Variants in GALNT17 observed in about 807,000 individuals in gnomAD.
GALNT17 encodes the protein UDP-GalNAc:polypeptide N-acetylgalactosaminyltransferase-like 3.
GALNT17 carries 29 observed loss-of-function variants against 63.7 expected under a neutral mutation model. The ratio of observed to expected loss-of-function variants is 0.46; its 90% CI spans 0.34 to 0.62. The LOEUF is 0.62. GALNT17 is among the 20% of genes least tolerant of loss of function. GALNT17 has a pLI of 0.01. For missense variants in GALNT17, 603 were observed against 799.6 expected (o/e 0.75, Z 2.97); for synonymous variants, 305 against 318.3 (o/e 0.96, Z 0.45).
chr7:71,401,221 C>T (rs926106336), intron 3 of GALNT17, among the ~76,000 whole-genome samples: 3 of 151,650 alleles, frequency 2.0e-5, no homozygotes, highest in Admixed American at 6.6e-5. Flanking sequence ...CTCAGCCTCC[C>T]GAGTAGCTGC....
At chr7:71,526,629 C>T (rs1036077240) in intron 5 of GALNT17, among the ~76,000 whole-genome samples, 1 of 152,152 alleles carries the variant, frequency 6.6e-6, no homozygotes, top group African/African-American at 2.4e-5. Context: ...AAGCAATTCT[C>T]CTGTCTTAGC....
intron 1 of GALNT17, among the ~76,000 whole-genome samples, chr7:71,309,759 G>A (rs891542258): frequency 6.6e-6 from 1 of 152,132 alleles, no homozygotes; most frequent in Non-Finnish European, 1.5e-5. Context: ...AATACAAACT[G>A]CATATGCTGT....
rs1791824492 is a variant in GALNT17, at chr7:71,713,414, A to T, written c.*1268A>T. On this transcript the variant is annotated 3_prime_UTR_variant, in exon 11 of 11. Coordinates refer to ENST00000333538, the MANE Select transcript of GALNT17 (RefSeq NM_022479.3). Reference sequence around the variant, plus strand: ...GGTGCCCCCGATGGGAGGCTGTCCCATCTCCCAGTCCCCATCTCTTTTTCC... The same window carrying T: ...GGTGCCCCCGATGGGAGGCTGTCCCTTCTCCCAGTCCCCATCTCTTTTTCC... 6.5e-6 allele frequency: 1 copy of T among 152,722 alleles called. No individual in the cohort carries two copies. The highest frequency in any genetic ancestry group is 1.9e-4 in the East Asian group (1 of 5,168). 9.5% of individuals were successfully genotyped at this position (152,722 alleles called of 1,614,324 possible).
rs577134272 is a variant in GALNT17 at position 71,379,672 on chromosome 7, T to C, written c.423-8563T>C. On this transcript the variant is annotated intron_variant, in intron 2 of 10. Coordinates refer to ENST00000333538, the MANE Select transcript of GALNT17 (RefSeq NM_022479.3). ...GAATTTGACTCCTGAAGAGACAGGG[T>C]GGTGGCCTTCAGCAAAGACAGGGTG... is the stretch of plus-strand genomic sequence containing the variant. Among the ~76,000 whole-genome samples, 3 of 152,026 alleles carry C rather than the reference T, an allele frequency of 2.0e-5. No individual in the cohort carries two copies. In the South Asian group the frequency reaches 6.3e-4, roughly 32 times the overall value.
intron 8 of GALNT17, among the ~76,000 whole-genome samples, chr7:71,675,505 C>A (rs977676895): frequency 9.9e-5 from 15 of 152,182 alleles, no homozygotes; most frequent in African/African-American, 3.6e-4. Flanking sequence ...CACCTATAAT[C>A]CCAGCAGTTT....
intron 2 of GALNT17, among the ~76,000 whole-genome samples, chr7:71,358,831 T>A (rs751293361): frequency 1.5e-4 from 23 of 152,118 alleles, no homozygotes; most frequent in Non-Finnish European, 2.9e-4. Flanking sequence ...TGGAGTGCAG[T>A]GGCACAATCT....
chr7:71,550,050 A>G (rs560664770), intron 5 of GALNT17, among the ~76,000 whole-genome samples: 1 of 151,954 alleles, frequency 6.6e-6, no homozygotes, highest in South Asian at 2.1e-4. Context: ...AGCTCAGATG[A>G]GTCCTGCCCC....
intron 1 of GALNT17, among the ~76,000 whole-genome samples, chr7:71,183,630 A>G (rs913476262): frequency 4.6e-5 from 7 of 152,080 alleles, no homozygotes; most frequent in African/African-American, 1.7e-4. Flanking sequence ...ACCAACACAC[A>G]TTGCGCCTGT....
At chr7:71,596,780 G>A (rs1789892795) in intron 6 of GALNT17, among the ~76,000 whole-genome samples, 1 of 152,130 alleles carries the variant, frequency 6.6e-6, no homozygotes, top group Non-Finnish European at 1.5e-5. Context: ...CCACTTGTGG[G>A]TGGTGATCAG....
intron 5 of GALNT17, among the ~76,000 whole-genome samples, chr7:71,461,512 C>A (rs1156354080): frequency 6.6e-6 from 1 of 152,188 alleles, no homozygotes; most frequent in Non-Finnish European, 1.5e-5. Context: ...AGCACTCTTT[C>A]ATCCAAAAGA....
chr7:71,477,786 A>G (rs1787749457), intron 5 of GALNT17, among the ~76,000 whole-genome samples: 1 of 152,186 alleles, frequency 6.6e-6, no homozygotes, highest in Admixed American at 6.5e-5. Flanking sequence ...AGTACCGGGA[A>G]TCCTGGCTGC....
chr7:71,277,086 A>G (rs543742849), intron 1 of GALNT17, among the ~76,000 whole-genome samples: 1 of 152,300 alleles, frequency 6.6e-6, no homozygotes, highest in South Asian at 2.1e-4. Context: ...CAAGGAAACA[A>G]CCTAAGTGTG....
At chr7:71,226,136 A>G (rs1280984820) in intron 1 of GALNT17, among the ~76,000 whole-genome samples, 1 of 152,224 alleles carries the variant, frequency 6.6e-6, no homozygotes, top group Non-Finnish European at 1.5e-5. Flanking sequence ...TGTTGAGTAA[A>G]TAAACTAAAA....
chr7:71,434,673 T>G (rs532024121), intron 5 of GALNT17, among the ~76,000 whole-genome samples: 28 of 152,308 alleles, frequency 1.8e-4, no homozygotes, highest in African/African-American at 6.3e-4. Context: ...GTTGTGTAAA[T>G]GAGCTTTTAA....
At chr7:71,663,871 A>G (rs548546560) in intron 6 of GALNT17, among the ~76,000 whole-genome samples, 222 of 152,294 alleles carry the variant, frequency 1.5e-3, no homozygotes, top group African/African-American at 5.0e-3. Context: ...GAATGAGCCT[A>G]CCTGAGTCAG....
chr7:71,295,751 A>G (rs1423595939), intron 1 of GALNT17, among the ~76,000 whole-genome samples: 1 of 151,984 alleles, frequency 6.6e-6, no homozygotes, highest in East Asian at 1.9e-4. Context: ...GGTGCACACC[A>G]TCATGCCTGG....
chr7:71,207,255 A>G (rs1392927620), intron 1 of GALNT17, among the ~76,000 whole-genome samples: 3 of 152,150 alleles, frequency 2.0e-5, no homozygotes, highest in African/African-American at 7.2e-5. Flanking sequence ...TTATATTTTA[A>G]TGTGCTCTCA....
chr7:71,487,541 G>A (rs1292665105), intron 5 of GALNT17, among the ~76,000 whole-genome samples: 7 of 152,162 alleles, frequency 4.6e-5, no homozygotes, highest in Admixed American at 2.0e-4. Context: ...GGAGGCCATG[G>A]TGGGAAGATT....
intron 5 of GALNT17, among the ~76,000 whole-genome samples, chr7:71,557,443 A>G (rs1789183310): frequency 6.6e-6 from 1 of 152,166 alleles, no homozygotes; most frequent in South Asian, 2.1e-4. Flanking sequence ...GATGAAGAGG[A>G]GGCTGATCCA....
Sources: gnomAD v4.1 joint callset for allele counts (sites outside exome capture counted in the v4.1 genomes callset) on GRCh38, gnomAD v4.1.1 for gene constraint, MANE v1.5 for transcripts, NCBI Gene and HGNC (gene_info 2026-07-23, HGNC 2026-07-21) for gene names.